Variants in XPOT observed in about 807,000 individuals in gnomAD.
XPOT encodes exportin for tRNA, also known as exportin-T.
In XPOT, 34 loss-of-function variants were observed where a neutral mutation model predicts 128.2. The ratio of observed to expected loss-of-function variants is 0.27; its 90% CI spans 0.20 to 0.35. XPOT has a LOEUF of 0.35. Among genes scored for constraint, XPOT ranks in the 10% least tolerant of loss-of-function variants. The probability of loss-of-function intolerance (pLI) is 1.00; values close to 1 mark genes in which losing one functional copy is unlikely to be tolerated. For synonymous variants in XPOT, 348 were observed against 394.3 expected, an observed-to-expected ratio of 0.88 and a Z score of 1.39; for missense variants, 838 against 1,125.3, an observed-to-expected ratio of 0.74 and a Z score of 3.65.
intron 23 of XPOT, 136 bp from the exon 24 acceptor site, chr12:64,444,939 C>CT: frequency 3.5e-6 from 2 of 571,156 alleles, no homozygotes; most frequent in South Asian, 2.4e-5. Context: ...CACCACTGTA[C>CT]TCCAGCCTAG....
At chr12:64,417,046 G>A (rs147224979) in intron 4 of XPOT, among the ~76,000 whole-genome samples, 1,950 of 152,016 alleles carry the variant, frequency 0.013, 45 homozygotes, top group African/African-American at 0.043. Context: ...GTGAAACCCC[G>A]TCTCTACAAA....
intron 24 of XPOT, among the ~76,000 whole-genome samples, chr12:64,445,585 A>G (rs964383882): frequency 6.6e-6 from 1 of 152,192 alleles, no homozygotes; most frequent in Non-Finnish European, 1.5e-5. Flanking sequence ...GTAAATCAAC[A>G]AAAAGTGTCA....
Position 64,416,720 on chromosome 12 carries a change from T to G in XPOT, c.166T>G (p.Cys56Gly). 1 of 1,613,648 alleles carries G rather than the reference T, an allele frequency of 6.2e-7. No homozygotes were observed. Among genetic ancestry groups the G allele is most frequent in the Non-Finnish European group, 8.5e-7 (1 of 1,179,768 alleles). ...TYSDDHVKFF[C>G]FQVLEHQVKY... ...CAGTGATGATCATGTGAAGTTTTTC[T>G]GCTTTCAAGTACTGGAACATCAAGT... The change falls in exon 4 of 25, where the codon TGC becomes GGC. Residue 56 changes from cysteine (C) to glycine (G), a missense_variant. By Grantham distance (159) the Cys-to-Gly change is radical. Transcript: ENST00000332707.
chr12:64,438,182 T>C (rs180797665), intron 22 of XPOT, among the ~76,000 whole-genome samples: 1 of 152,322 alleles, frequency 6.6e-6, no homozygotes, highest in East Asian at 1.9e-4. Flanking sequence ...ATAGAAGTCG[T>C]AATTTAAACA....
intron 24 of XPOT, among the ~76,000 whole-genome samples, chr12:64,446,235 G>A (rs1410354342): frequency 6.6e-6 from 1 of 152,122 alleles, no homozygotes; most frequent in Admixed American, 6.5e-5. Context: ...CCCTATAGAA[G>A]GCTTGTTCTC....
In XPOT at chr12:64,430,312, A is replaced by G. The variant is rs150336910; in HGVS notation, c.1976+25A>G. ...GGTAAGTGTGATCACAGTTAAAATT[A>G]TAAAGTGCATGTATCTACACAGACA... is the stretch of plus-strand genomic sequence containing the variant. On this transcript the variant is annotated intron_variant, in intron 17 of 24. Coordinates refer to ENST00000332707, the MANE Select transcript of XPOT (RefSeq NM_007235.6). 8.6e-6 allele frequency: 13 copies of G among 1,519,472 alleles called. No homozygotes were observed. The African/African-American group carries it at 1.4e-4, about 16-fold the overall frequency. The allele number at this position is 1,519,472 out of a possible 1,614,324, so 94.1% of individuals were successfully genotyped here.
Position 64,428,091 on chromosome 12 carries a change from A to T in XPOT, c.1708A>T (p.Ile570Leu). Residue 570 changes from isoleucine to leucine, a missense_variant, in exon 16 of 25, where the codon ATA (isoleucine) becomes TTA (leucine). Physicochemically the swap from Ile to Leu is conservative, Grantham distance 5. Around this residue, in one of 3 missense-constraint regions of XPOT, gnomAD observed 761 missense variants for 988.3 expected, o/e 0.77. Transcript: ENST00000332707. ...TTTCATTGAGGATATTTTGAATAGA[A>T]TACAAGATTTATTAGAGCTTTCTCC... ...NPFIEDILNRIQDLLELSPPE... is the reference protein window; with the variant it reads ...NPFIEDILNRLQDLLELSPPE... The T allele has an allele frequency of 6.3e-7, 1 of 1,577,472 alleles. No individual in the cohort carries two copies. The highest frequency in any genetic ancestry group is 1.1e-5 in the South Asian group (1 of 90,038).
At chr12:64,445,278 T>G (rs2040359162) in intron 24 of XPOT, 147 bp downstream of exon 24, 4 of 573,830 alleles carry the variant, frequency 7.0e-6, no homozygotes, top group South Asian at 4.8e-5. Context: ...GTAAGCACAC[T>G]GAATGTGTAC....
At chr12:64,416,195 C>T (rs1697139364) in intron 3 of XPOT, among the ~76,000 whole-genome samples, 1 of 152,272 alleles carries the variant, frequency 6.6e-6, no homozygotes, top group African/African-American at 2.4e-5. Context: ...GTGTCCTGTA[C>T]GAAACTTTGA....
chr12:64,435,383 A>G (rs942696358), intron 21 of XPOT, among the ~76,000 whole-genome samples: 2 of 152,246 alleles, frequency 1.3e-5, no homozygotes, highest in Non-Finnish European at 2.9e-5. Flanking sequence ...GCTAGATTTC[A>G]TAATTGTAAT....
chr12:64,434,845 T>C lies in XPOT; in HGVS notation c.2621T>C (p.Val874Ala). ...GCTGATTTTGTTTATAAGCACATTG[T>C]CCCCGCATGTTTCCTAGCACCTTTA... The part of the protein sequence containing the change: ...GFADFVYKHI[V>A]PACFLAPLKQ... Residue 874 changes from valine (V) to alanine (A), a missense_variant, in exon 21 of 25, where the codon GTC (valine) becomes GCC (alanine). By Grantham distance (64) the Val-to-Ala change is moderately conservative. Around this residue, in one of 3 missense-constraint regions of XPOT, gnomAD observed 21 missense variants for 57.8 expected, o/e 0.36. Transcript: ENST00000332707. 1 of 1,612,228 alleles carries C rather than the reference T, an allele frequency of 6.2e-7. No homozygotes were observed. Among genetic ancestry groups the C allele is most frequent in the East Asian group, 2.2e-5 (1 of 44,862 alleles).
chr12:64,426,030 A>G (rs2040189505), intron 15 of XPOT, 121 bp downstream of exon 15: 1 of 884,272 alleles, frequency 1.1e-6, no homozygotes, highest in Non-Finnish European at 1.8e-6. Flanking sequence ...AGATAAAGAA[A>G]ATGTAGGCCA....
chr12:64,408,961 CTG>C (rs1036846229), intron 1 of XPOT, among the ~76,000 whole-genome samples: 1 of 152,134 alleles, frequency 6.6e-6, no homozygotes, highest in African/African-American at 2.4e-5. Context: ...GTGTGAGCCA[CTG>C]TAGCTGGCTG....
At chr12:64,429,750 A>G (rs1213506487) in intron 16 of XPOT, among the ~76,000 whole-genome samples, 1 of 152,186 alleles carries the variant, frequency 6.6e-6, no homozygotes, top group Non-Finnish European at 1.5e-5. Flanking sequence ...CTAGCCTCAT[A>G]ACAATCTTAT....
chr12:64,412,304 C>T (rs1189375897), intron 2 of XPOT, among the ~76,000 whole-genome samples: 1 of 152,106 alleles, frequency 6.6e-6, no homozygotes, highest in African/African-American at 2.4e-5. Context: ...GGATTACAGG[C>T]ATGACTCACC....
chr12:64,415,001 C>A lies in XPOT; in HGVS notation c.143+12C>A. Reference sequence around the variant, plus strand: ...CAGAGGACATACAGGTAATTAAAAACAAAATTTGCATGACAATTTAAATTT... The same window carrying A: ...CAGAGGACATACAGGTAATTAAAAAAAAAATTTGCATGACAATTTAAATTT... On this transcript the variant is annotated intron_variant, in intron 3 of 24. Transcript: ENST00000332707. 1 of 1,540,168 alleles carries A rather than the reference C, an allele frequency of 6.5e-7. No homozygotes were observed. The highest frequency in any genetic ancestry group is 9.0e-7 in the Non-Finnish European group (1 of 1,114,676).
chr12:64,425,304 T>TA, intron 13 of XPOT, 34 bp from the exon 14 acceptor site: 1 of 1,610,844 alleles, frequency 6.2e-7, no homozygotes, highest in Non-Finnish European at 8.5e-7. Context: ...TTGCAATAAA[T>TA]AAGAAGAGGT....
rs925332765 is a variant in XPOT, at chr12:64,404,484, G to T, written c.-395G>T. The T allele has an allele frequency of 1.9e-5, 3 of 156,068 alleles. No individual in the cohort carries two copies. Among genetic ancestry groups the T allele is most frequent in the Non-Finnish European group, 2.8e-5 (2 of 71,630 alleles). 9.7% of individuals were successfully genotyped at this position (156,068 alleles called of 1,614,324 possible). A position where few individuals can be genotyped will look rare whatever the true frequency, so the allele number is the denominator to read the frequency against. ...CTGACTCAGCGGCGGCGGCGGCTGCGGCGGCGGCGGCGGCGTTAGCCGGCC... is the reference window on the plus strand; with the variant it reads ...CTGACTCAGCGGCGGCGGCGGCTGCTGCGGCGGCGGCGGCGTTAGCCGGCC... On this transcript the variant is annotated 5_prime_UTR_variant, in exon 1 of 25. Coordinates refer to ENST00000332707, the MANE Select transcript of XPOT (RefSeq NM_007235.6).
At chr12:64,427,269 A>G (rs1406922542) in intron 15 of XPOT, among the ~76,000 whole-genome samples, 3 of 151,762 alleles carry the variant, frequency 2.0e-5, no homozygotes, top group African/African-American at 4.8e-5. Context: ...ACAGGTGTCC[A>G]TCGCCACACC....
Sources: allele counts gnomAD v4.1 joint callset (sites outside exome capture counted in the v4.1 genomes callset), GRCh38; gene constraint gnomAD v4.1.1; regional missense constraint gnomAD v4.1.1; transcripts MANE v1.5; gene names NCBI Gene and HGNC (gene_info 2026-07-23, HGNC 2026-07-21).